CBLIF: variants seen among roughly 807,000 people sequenced by gnomAD.
CBLIF encodes gastric intrinsic factor (vitamin B synthesis).
Under a neutral mutation model 44.9 loss-of-function variants are expected in CBLIF, and 24 were observed. That is an observed-to-expected ratio of 0.53 (90% CI 0.39 to 0.75). The LOEUF (loss-of-function observed/expected upper bound fraction) is 0.75, where lower values mean the gene tolerates loss of function less well. Among genes scored for constraint, CBLIF ranks in the 30% least tolerant of loss-of-function variants. CBLIF has a pLI of 0.00. For missense variants in CBLIF, 481 were observed against 513.0 expected (o/e 0.94, Z 0.60); for synonymous variants, 183 against 190.9 (o/e 0.96, Z 0.34).
Position 59,842,597 on chromosome 11 carries a change from A to G in CBLIF, c.371-14T>C, listed in dbSNP as rs1417711578. 1.2e-6 allele frequency: 2 copies of G among 1,612,818 alleles called. No individual in the cohort carries two copies. The highest frequency in any genetic ancestry group is 1.7e-6 in the Non-Finnish European group (2 of 1,178,856). On this transcript the variant is annotated splice_polypyrimidine_tract_variant and intron_variant, in intron 3 of 8. Transcript: ENST00000257248. ...CAGCGTTGGGGCCTCCGAAGGGGAT[A>G]GAGAACCTTCATCAGACTCACAGTC... is the stretch of plus-strand genomic sequence containing the variant.
Position 59,842,520 on chromosome 11 carries a change from T to C in CBLIF, c.434A>G (p.Lys145Arg). 6.2e-7 allele frequency: 1 copy of C among 1,613,516 alleles called. No individual in the cohort carries two copies. ...TATCGGCAAGGTCGCCTCAGAGTTC[T>C]TCTGGCACAGTGCCAAGATCGCTAG... is the stretch of plus-strand genomic sequence containing the variant. ...PSLAILALCQ[K>R]NSEATLPIAV... The change falls in exon 4 of 9, where the codon AAG becomes AGG. Residue 145 changes from lysine to arginine, a missense_variant. Coordinates refer to ENST00000257248, the MANE Select transcript of CBLIF (RefSeq NM_005142.3).
intron 2 of CBLIF, among the ~76,000 whole-genome samples, chr11:59,843,571 TGA>T (rs1353552046): frequency 6.6e-6 from 1 of 152,142 alleles, no homozygotes; most frequent in Non-Finnish European, 1.5e-5. Flanking sequence ...ATCTGCAAGG[TGA>T]GGCTGAGCAG....
At chr11:59,833,380 C>G (rs973150235) in intron 7 of CBLIF, among the ~76,000 whole-genome samples, 1 of 151,894 alleles carries the variant, frequency 6.6e-6, no homozygotes, top group African/African-American at 2.4e-5. Flanking sequence ...AGCAGGGCAT[C>G]GTGGCGGGTG....
Position 59,835,890 on chromosome 11 carries a change from C to A in CBLIF, c.991G>T (p.Glu331Ter). 1 of 1,614,046 alleles carries A rather than the reference C, an allele frequency of 6.2e-7. No individual in the cohort carries two copies. Among genetic ancestry groups the A allele is most frequent in the Non-Finnish European group, 8.5e-7 (1 of 1,179,938 alleles). ...QLRGVELLFN[E>*]TINVSVKSGS... is the part of the protein sequence containing the mutation. ...CTTTTCACACTAACATTGATGGTCT[C>A]GTTGAAGAGCAGCTCAACCCCCCTC... Residue 331 changes from glutamate (E) to a stop codon, truncating the protein, a stop_gained, in exon 7 of 9, where the codon GAG (glutamate) becomes TAG (stop). Coordinates refer to ENST00000257248, the MANE Select transcript of CBLIF (RefSeq NM_005142.3). LOFTEE classifies it high-confidence loss of function.
intron 8 of CBLIF, among the ~76,000 whole-genome samples, chr11:59,830,476 A>G (rs572631924): frequency 1.4e-4 from 22 of 151,952 alleles, no homozygotes; most frequent in Non-Finnish European, 2.9e-4. Context: ...TGACCTCCTG[A>G]TCCGTCCGCC....
At position 59,835,907 on chromosome 11, in the gene CBLIF, AC is replaced by A. The variant is rs1866449769; in HGVS notation, c.973del (p.Val325LeufsTer13). On this transcript the variant is annotated frameshift_variant, in exon 7 of 9. Transcript: ENST00000257248. LOFTEE classifies it high-confidence loss of function. The stretch of plus-strand genomic sequence containing the variant: ...GATGGTCTCGTTGAAGAGCAGCTCA[AC>A]CCCCCTCAGCTGGTTATTTATGGTG... Reference protein sequence around the residue: ...IYTINNQLRGVELLFNETINV... With the variant: ...IYTINNQLRGXELLFNETINV... 1.2e-6 allele frequency: 2 copies of A among 1,613,446 alleles called. No homozygotes were observed. Among genetic ancestry groups the A allele is most frequent in the Non-Finnish European group, 1.7e-6 (2 of 1,179,820 alleles).
intron 8 of CBLIF, among the ~76,000 whole-genome samples, chr11:59,830,268 G>C (rs965247529): frequency 1.5e-5 from 2 of 131,172 alleles, no homozygotes; most frequent in African/African-American, 2.9e-5. Context: ...ACGGAGTCTC[G>C]CTCTGTCACC....
At chr11:59,838,546 C>A (rs1263020658) in intron 5 of CBLIF, among the ~76,000 whole-genome samples, 1 of 152,130 alleles carries the variant, frequency 6.6e-6, no homozygotes, top group African/African-American at 2.4e-5. Context: ...TCAGTATGCA[C>A]AACTGGGCAG....
At chr11:59,839,525 C>G (rs1866495938) in intron 5 of CBLIF, among the ~76,000 whole-genome samples, 1 of 152,082 alleles carries the variant, frequency 6.6e-6, no homozygotes, top group Non-Finnish European at 1.5e-5. Context: ...GGAGTCAAAC[C>G]TAAATTGTGA....
intron 5 of CBLIF, among the ~76,000 whole-genome samples, chr11:59,838,469 C>T (rs1169021736): frequency 6.6e-6 from 1 of 152,018 alleles, no homozygotes; most frequent in Non-Finnish European, 1.5e-5. Context: ...ACTGGTTCAC[C>T]TGAAGCTTGG....
intron 5 of CBLIF, 185 bp downstream of exon 5, chr11:59,840,958 G>A (rs1866518370): frequency 1.6e-6 from 1 of 630,032 alleles, no homozygotes; most frequent in East Asian, 2.8e-5. Flanking sequence ...ATAGGAGGTA[G>A]GGAGGAATTA....
chr11:59,831,775 A>G lies in CBLIF; in HGVS notation c.1095T>C (p.Ser365=), dbSNP rs759472187. ...TGATAGAAGAGACGACAAGGCCCCA[A>G]GATGTCATTGTGGTTTCAAATCTAA... ...PMFKFETTMT[S]WGLVVSSINN... Residue 365 remains serine, a synonymous_variant, in exon 8 of 9, where the codon TCT becomes TCC. Coordinates refer to ENST00000257248, the MANE Select transcript of CBLIF (RefSeq NM_005142.3). The G allele has an allele frequency of 1.3e-6, 2 of 1,595,802 alleles. No individual in the cohort carries two copies. Among genetic ancestry groups the G allele is most frequent in the African/African-American group, 2.7e-5 (2 of 74,536 alleles).
At chr11:59,841,866 C>T (rs148084857) in intron 4 of CBLIF, among the ~76,000 whole-genome samples, 22 of 152,132 alleles carry the variant, frequency 1.4e-4, no homozygotes, top group African/African-American at 4.6e-4. Flanking sequence ...GATCATTATC[C>T]ATAGAAGGGG....
chr11:59,842,560 AG>A lies in CBLIF; in HGVS notation c.393del (p.Phe132SerfsTer6). 6.2e-7 allele frequency: 1 copy of A among 1,614,054 alleles called. No individual in the cohort carries two copies. Among genetic ancestry groups the A allele is most frequent in the East Asian group, 2.2e-5 (1 of 44,864 alleles). ...AAGATCGCTAGACTGGGCCCATAGA[AG>A]GCTGATGCTTCAGCGTTGGGGCCTC... is the stretch of plus-strand genomic sequence containing the variant. Reference protein sequence around the residue: ...APSSPNAEASAFYGPSLAILA... With the variant: ...APSSPNAEASXFYGPSLAILA... On this transcript the variant is annotated frameshift_variant, in exon 4 of 9. Transcript: ENST00000257248. LOFTEE classifies it high-confidence loss of function.
Position 59,843,145 on chromosome 11 carries a change from C to A in CBLIF, c.257-4G>T, listed in dbSNP as rs1182301968. On this transcript the variant is annotated splice_region_variant and splice_polypyrimidine_tract_variant and intron_variant, in intron 2 of 8. Transcript: ENST00000257248. ...CCGAGCTGCCCAATGGTTAGATCTG[C>A]AGAGAAGAGAACACAACGGTTAGAC... is the stretch of plus-strand genomic sequence containing the variant. 1 of 1,578,030 alleles carries A rather than the reference C, an allele frequency of 6.3e-7. No individual in the cohort carries two copies. Among genetic ancestry groups the A allele is most frequent in the Admixed American group, 1.7e-5 (1 of 59,964 alleles).
chr11:59,834,236 TTCTTTTTC>T (rs1340569542), intron 7 of CBLIF, among the ~76,000 whole-genome samples: 35 of 148,996 alleles, frequency 2.3e-4, no homozygotes, highest in African/African-American at 5.8e-4. Flanking sequence ...CTTTCTTTCT[TTCTTTTTC>T]TTTCTTTCTT....
chr11:59,845,354 T>C (rs1470366906), intron 1 of CBLIF, 21 bp downstream of exon 1: 19 of 1,609,418 alleles, frequency 1.2e-5, no homozygotes, highest in Admixed American at 1.7e-5. Flanking sequence ...CCTGACCTCC[T>C]TGGAAAAACA....
rs1866338306 is a variant in CBLIF at position 59,829,447 on chromosome 11, T to C, written c.*37A>G. The C allele has an allele frequency of 7.3e-7, 1 of 1,369,080 alleles. No homozygotes were observed. Among genetic ancestry groups the C allele is most frequent in the Non-Finnish European group, 1.0e-6 (1 of 956,090 alleles). The allele number at this position is 1,369,080 out of a possible 1,614,324, so 84.8% of individuals were successfully genotyped here. A position where few individuals can be genotyped will look rare whatever the true frequency, so the allele number is the denominator to read the frequency against. ...AAGTGGAAAAAATTTCACCCATCCTTTGGAGATGTTTGATAGAAGCTGAAC... is the reference window on the plus strand; with the variant it reads ...AAGTGGAAAAAATTTCACCCATCCTCTGGAGATGTTTGATAGAAGCTGAAC... On this transcript the variant is annotated 3_prime_UTR_variant, in exon 9 of 9. Coordinates refer to ENST00000257248, the MANE Select transcript of CBLIF (RefSeq NM_005142.3).
chr11:59,842,953 T>G, intron 3 of CBLIF, 75 bp downstream of exon 3: 4 of 842,722 alleles, frequency 4.7e-6, no homozygotes, highest in African/African-American at 1.7e-5. Flanking sequence ...ACCCCCACCC[T>G]TTTCCTTTCT....
Sources: gnomAD v4.1 joint callset for allele counts (sites outside exome capture counted in the v4.1 genomes callset) on GRCh38, gnomAD v4.1.1 for gene constraint, MANE v1.5 for transcripts, NCBI Gene and HGNC (gene_info 2026-07-23, HGNC 2026-07-21) for gene names.